SLC24A3: variants seen among roughly 807,000 people sequenced by gnomAD.
The protein encoded by SLC24A3 is sodium/potassium/calcium exchanger 3.
Under a neutral mutation model 75.8 loss-of-function variants are expected in SLC24A3, and 28 were observed. The observed-to-expected ratio is 0.37, with a 90% confidence interval of 0.27 to 0.51. SLC24A3 has a LOEUF of 0.51. SLC24A3 is among the 20% of genes least tolerant of loss of function. The probability of loss-of-function intolerance (pLI) is 0.94; values close to 1 mark genes in which losing one functional copy is unlikely to be tolerated. For missense variants in SLC24A3, 663 were observed against 847.8 expected, an observed-to-expected ratio of 0.78 and a Z score of 2.71; for synonymous variants, 372 against 334.1, an observed-to-expected ratio of 1.11 and a Z score of -1.24.
intron 7 of SLC24A3, among the ~76,000 whole-genome samples, chr20:19,655,090 G>A (rs978819531): frequency 5.9e-5 from 9 of 152,060 alleles, no homozygotes; most frequent in Non-Finnish European, 1.2e-4. Context: ...TAATTGTACC[G>A]TGAATTTCAG....
chr20:19,357,811 G>A (rs1305908305), intron 2 of SLC24A3, among the ~76,000 whole-genome samples: 1 of 152,262 alleles, frequency 6.6e-6, no homozygotes, highest in Non-Finnish European at 1.5e-5. Flanking sequence ...TTCAGATAAT[G>A]GGCAAAGCCA....
chr20:19,651,398 CACAT>C (rs1045360234), intron 6 of SLC24A3, among the ~76,000 whole-genome samples: 2 of 142,296 alleles, frequency 1.4e-5, no homozygotes, highest in Admixed American at 7.0e-5. Flanking sequence ...TATATATACA[CACAT>C]ATATATATAT....
chr20:19,230,342 AGGGGATCTCCT>A (rs1020747909), intron 1 of SLC24A3, among the ~76,000 whole-genome samples: 22 of 152,128 alleles, frequency 1.4e-4, no homozygotes, highest in African/African-American at 4.8e-4. Context: ...CTTGCCTGAG[AGGGGATCTCCT>A]GCTCCTTCTA....
intron 15 of SLC24A3, 23 bp downstream of exon 15, chr20:19,698,703 TCTC>T (rs2032839589): frequency 2.6e-6 from 4 of 1,530,460 alleles, no homozygotes; most frequent in Non-Finnish European, 3.6e-6. Context: ...CTCCAGGACT[TCTC>T]CTGAAATCCA....
At chr20:19,231,124 C>G (rs1408024519) in intron 1 of SLC24A3, among the ~76,000 whole-genome samples, 3 of 152,166 alleles carry the variant, frequency 2.0e-5, no homozygotes, top group African/African-American at 7.2e-5. Context: ...AGGTAAAAAA[C>G]AGGTAGACAG....
chr20:19,479,499 G>C (rs1452730267), intron 2 of SLC24A3, among the ~76,000 whole-genome samples: 1 of 152,220 alleles, frequency 6.6e-6, no homozygotes, highest in Non-Finnish European at 1.5e-5. Context: ...TCCCCAAGGA[G>C]CAAACCCCTG....
intron 12 of SLC24A3, among the ~76,000 whole-genome samples, chr20:19,691,654 G>A (rs1259047715): frequency 3.3e-5 from 5 of 152,190 alleles, no homozygotes; most frequent in Non-Finnish European, 7.3e-5. Context: ...AGGCTGTGGG[G>A]ATGATGAGAT....
intron 3 of SLC24A3, among the ~76,000 whole-genome samples, chr20:19,563,756 A>G (rs2030914750): frequency 6.6e-6 from 1 of 152,308 alleles, no homozygotes; most frequent in Admixed American, 6.5e-5. Context: ...CAAGAAAGTG[A>G]CAGAAAGGCA....
intron 2 of SLC24A3, among the ~76,000 whole-genome samples, chr20:19,288,989 T>TTGC (rs540953238): frequency 8.0e-4 from 122 of 152,322 alleles, no homozygotes; most frequent in African/African-American, 2.8e-3. Flanking sequence ...ACAGAAATGT[T>TTGC]TGCTGCTGCC....
intron 2 of SLC24A3, among the ~76,000 whole-genome samples, chr20:19,323,033 C>T (rs1395703356): frequency 6.6e-6 from 1 of 151,326 alleles, no homozygotes; most frequent in African/African-American, 2.4e-5. Flanking sequence ...GGTGAAACCC[C>T]GTCTCTACTA....
intron 2 of SLC24A3, among the ~76,000 whole-genome samples, chr20:19,401,114 C>T (rs1986544787): frequency 6.6e-6 from 1 of 152,132 alleles, no homozygotes; most frequent in Admixed American, 6.5e-5. Flanking sequence ...GGGAAAATGA[C>T]TGAGGTCCAA....
intron 1 of SLC24A3, among the ~76,000 whole-genome samples, chr20:19,243,342 G>C (rs1333500971): frequency 6.6e-6 from 1 of 152,230 alleles, no homozygotes; most frequent in African/African-American, 2.4e-5. Context: ...GCTACAGGAG[G>C]TGAGGGAATA....
rs1206941896 is a variant in SLC24A3, at chr20:19,473,168, A to G, written c.272-42320A>G. On this transcript the variant is annotated intron_variant, in intron 2 of 16. Transcript: ENST00000328041. ...CAAAGATCTTGCTCCTGAGACTCGG[A>G]GGTTTAGGGTTCTTTTATGTTTGCT... Among the ~76,000 whole-genome samples the G allele has an allele frequency of 3.9e-5, 6 of 152,198 alleles. No homozygotes were observed. In the East Asian group the frequency reaches 1.2e-3, roughly 29 times the overall value.
At chr20:19,360,396 G>T (rs1273990021) in intron 2 of SLC24A3, among the ~76,000 whole-genome samples, 8 of 152,210 alleles carry the variant, frequency 5.3e-5, no homozygotes, top group African/African-American at 1.9e-4. Context: ...CTCAACATGA[G>T]AATGTCCCTA....
Position 19,574,369 on chromosome 20 carries a change from C to T in SLC24A3, c.349-5631C>T, listed in dbSNP as rs1282776274. 2.0e-5 allele frequency among the ~76,000 whole-genome samples: 3 copies of T among 152,220 alleles called. No individual in the cohort carries two copies. In the East Asian group the frequency reaches 5.8e-4, roughly 29 times the overall value. ...TTACCTGTACATCAAAGGACACTAT[C>T]AACATACTGACTGCCACAATAATGC... On this transcript the variant is annotated intron_variant, in intron 3 of 16. Transcript: ENST00000328041.
chr20:19,293,381 C>T (rs1288597104), intron 2 of SLC24A3, among the ~76,000 whole-genome samples: 1 of 152,026 alleles, frequency 6.6e-6, no homozygotes, highest in Non-Finnish European at 1.5e-5. Flanking sequence ...CCTGGCTGGG[C>T]ATGGTGGCTC....
chr20:19,310,438 G>T (rs771795270), intron 2 of SLC24A3, among the ~76,000 whole-genome samples: 14 of 152,226 alleles, frequency 9.2e-5, no homozygotes, highest in Admixed American at 2.0e-4. Context: ...TAAACCTGGT[G>T]TATGAAATAA....
chr20:19,258,928 A>G (rs1982901908), intron 1 of SLC24A3, among the ~76,000 whole-genome samples: 1 of 152,242 alleles, frequency 6.6e-6, no homozygotes, highest in Admixed American at 6.5e-5. Flanking sequence ...CCTTCTGGCA[A>G]TAATTCACCA....
chr20:19,394,566 C>A (rs916692427), intron 2 of SLC24A3, among the ~76,000 whole-genome samples: 5 of 152,104 alleles, frequency 3.3e-5, no homozygotes, highest in Non-Finnish European at 7.4e-5. Context: ...AATAGACATT[C>A]CTTCAAAAAA....
Sources: allele counts gnomAD v4.1 joint callset (sites outside exome capture counted in the v4.1 genomes callset), GRCh38; gene constraint gnomAD v4.1.1; transcripts MANE v1.5; gene names NCBI Gene and HGNC (gene_info 2026-07-23, HGNC 2026-07-21).